The following APPL2 variants were observed in gnomAD, a reference collection of about 807,000 sequenced individuals.
APPL2 encodes the protein adaptor protein, phosphotyrosine interacting with PH domain and leucine zipper 2.
In APPL2, 84 loss-of-function variants were observed where a neutral mutation model predicts 92.7. That is an observed-to-expected ratio of 0.91 (90% confidence interval 0.76 to 1.09). The LOEUF (loss-of-function observed/expected upper bound fraction) is 1.09. Ranked by LOEUF, APPL2 falls within the 50% of genes least tolerant of loss-of-function variation. APPL2 has a pLI of 0.00. For missense variants in APPL2, 736 were observed against 824.5 expected (o/e 0.89, Z 1.31); for synonymous variants, 291 against 291.0 (o/e 1.00, Z 0.00).
intron 9 of APPL2, among the ~76,000 whole-genome samples, chr12:105,200,754 A>G (rs1309214887): frequency 6.6e-6 from 1 of 152,202 alleles, no homozygotes; most frequent in Non-Finnish European, 1.5e-5. Flanking sequence ...GTTTCTCCAC[A>G]TGAGCACCTC....
intron 2 of APPL2, among the ~76,000 whole-genome samples, chr12:105,223,945 G>C (rs780309216): frequency 6.6e-6 from 1 of 152,036 alleles, no homozygotes; most frequent in South Asian, 2.1e-4. Context: ...ATGATGGCTC[G>C]ACCTGCCCAA....
chr12:105,180,337 A>C (rs1005458782), intron 17 of APPL2, among the ~76,000 whole-genome samples: 1 of 151,912 alleles, frequency 6.6e-6, no homozygotes, highest in Non-Finnish European at 1.5e-5. Flanking sequence ...TGGTCTATAT[A>C]TCTGTTTTGG....
At chr12:105,203,975 G>C (rs1888472648) in intron 8 of APPL2, among the ~76,000 whole-genome samples, 190 bp from the exon 9 acceptor site, 2 of 152,188 alleles carry the variant, frequency 1.3e-5, no homozygotes, top group Non-Finnish European at 2.9e-5. Flanking sequence ...CACAGTTGCT[G>C]GCTTTTGGGT....
intron 17 of APPL2, among the ~76,000 whole-genome samples, chr12:105,186,506 C>T (rs903520005): frequency 2.1e-4 from 32 of 151,772 alleles, no homozygotes; most frequent in Middle Eastern, 3.4e-3. Flanking sequence ...CCCAGGAGCC[C>T]GCCAAACTAT....
chr12:105,227,270 G>T (rs1008277371), intron 2 of APPL2, among the ~76,000 whole-genome samples: 1 of 151,996 alleles, frequency 6.6e-6, no homozygotes, highest in Non-Finnish European at 1.5e-5. Flanking sequence ...CCAAGTGCTG[G>T]GATTACAGGC....
At chr12:105,222,110 A>G (rs1890146642) in intron 2 of APPL2, among the ~76,000 whole-genome samples, 1 of 152,222 alleles carries the variant, frequency 6.6e-6, no homozygotes, top group Non-Finnish European at 1.5e-5. Context: ...CCCTCGAGAC[A>G]GGATGCACAC....
chr12:105,227,134 TA>T (rs60826041), intron 2 of APPL2, among the ~76,000 whole-genome samples: 45 of 148,818 alleles, frequency 3.0e-4, no homozygotes, highest in African/African-American at 1.1e-3. Flanking sequence ...AAATTAAAAA[TA>T]AAAAAAAAAG....
intron 14 of APPL2, among the ~76,000 whole-genome samples, chr12:105,193,619 T>A (rs1444253143): frequency 6.6e-6 from 1 of 152,240 alleles, no homozygotes; most frequent in Non-Finnish European, 1.5e-5. Context: ...TATAGTGTCT[T>A]CCTTAGAGTT....
chr12:105,179,090 A>G (rs978666322), intron 17 of APPL2, among the ~76,000 whole-genome samples: 1 of 152,068 alleles, frequency 6.6e-6, no homozygotes, highest in African/African-American at 2.4e-5. Context: ...GCGCCCATCA[A>G]CCCGTTATCT....
chr12:105,232,521 T>C lies in APPL2; in HGVS notation c.55-3298A>G, dbSNP rs142446528. ...TGTCCTAGTGAAAAGAACCAAGACT[T>C]TGGGAGGCCAAGACAGGAAGATTGG... On this transcript the variant is annotated intron_variant, in intron 1 of 20. Transcript: ENST00000258530. Among the ~76,000 whole-genome samples the C allele has an allele frequency of 2.4e-4, 37 of 152,072 alleles. 1 individual carries two copies. Among genetic ancestry groups the C allele is most frequent in the Non-Finnish European group, 3.5e-4 (24 of 67,972 alleles).
At chr12:105,188,121 T>C in intron 17 of APPL2, 152 bp downstream of exon 17, 2 of 844,788 alleles carry the variant, frequency 2.4e-6, no homozygotes, top group Non-Finnish European at 3.6e-6. Context: ...AAGGGAGCAC[T>C]TTCTAGGCTA....
Position 105,210,383 on chromosome 12 carries a change from A to G in APPL2, c.373+847T>C, listed in dbSNP as rs554260619. Among the ~76,000 whole-genome samples, 161 of 152,338 alleles carry G rather than the reference A, an allele frequency of 1.1e-3. 1 individual carries two copies. The highest frequency in any genetic ancestry group is 3.5e-3 in the African/African-American group (146 of 41,588). On this transcript the variant is annotated intron_variant, in intron 5 of 20. Coordinates refer to ENST00000258530, the MANE Select transcript of APPL2 (RefSeq NM_018171.5). ...AAGTAATATACTGACCAGATCTTTT[A>G]GCATTCAGGTTTAGGCTTTTTTGGG...
intron 17 of APPL2, among the ~76,000 whole-genome samples, chr12:105,179,857 A>G (rs141926126): frequency 0.013 from 1,918 of 152,296 alleles, 23 homozygotes; most frequent in Middle Eastern, 0.027. Flanking sequence ...AGTTCTTTGT[A>G]GATTCTGGAT....
In APPL2 at chr12:105,199,354, C is replaced by G; in HGVS notation, c.863+19G>C. The G allele has an allele frequency of 6.3e-7, 1 of 1,599,198 alleles. No homozygotes were observed. Among genetic ancestry groups the G allele is most frequent in the Non-Finnish European group, 8.5e-7 (1 of 1,172,430 alleles). ...GGAAAACGGATTTCAGAAAAAGAGG[C>G]AGACGGTGGCGTTCTCACTTTCTAA... is the stretch of plus-strand genomic sequence containing the variant. On this transcript the variant is annotated intron_variant, in intron 10 of 20. Coordinates refer to ENST00000258530, the MANE Select transcript of APPL2 (RefSeq NM_018171.5).
rs1887042734 is a variant in APPL2, at chr12:105,189,826, TAGGGGAATAGCC to T, written c.1407-14_1407-3del. 2 of 1,614,052 alleles carry T rather than the reference TAGGGGAATAGCC, an allele frequency of 1.2e-6. No homozygotes were observed. The highest frequency in any genetic ancestry group is 2.2e-5 in the South Asian group (2 of 91,092). The stretch of plus-strand genomic sequence containing the variant: ...GTTTCACCAAAAGGGTTGGTACGCC[TAGGGGAATAGCC>T]AGAGTTGAACAAACACGACAGCTGC... On this transcript the variant is annotated splice_polypyrimidine_tract_variant and splice_region_variant and intron_variant, in intron 15 of 20. Transcript: ENST00000258530.
intron 17 of APPL2, among the ~76,000 whole-genome samples, chr12:105,185,611 G>A (rs1886533013): frequency 6.6e-6 from 1 of 151,940 alleles, no homozygotes; most frequent in Non-Finnish European, 1.5e-5. Flanking sequence ...GATAAGCTGG[G>A]TACCGCAGTT....
At chr12:105,186,685 T>TATC (rs1555248113) in intron 17 of APPL2, among the ~76,000 whole-genome samples, 10 of 63,394 alleles carry the variant, frequency 1.6e-4, no homozygotes, top group Non-Finnish European at 2.7e-4. Flanking sequence ...ATATATCATA[T>TATC]ATATATCATA....
chr12:105,228,020 T>C (rs530412163), intron 2 of APPL2, among the ~76,000 whole-genome samples: 256 of 152,254 alleles, frequency 1.7e-3, no homozygotes, highest in South Asian at 5.0e-3. Flanking sequence ...GGTGATTGCT[T>C]TGTCTGCCTC....
chr12:105,220,257 G>C (rs560704561), intron 2 of APPL2, among the ~76,000 whole-genome samples: 13 of 152,348 alleles, frequency 8.5e-5, no homozygotes, highest in Admixed American at 8.5e-4. Context: ...TTTTCTGTAA[G>C]GAGCCAGAGA....
Sources: gnomAD v4.1 joint callset for allele counts (sites outside exome capture counted in the v4.1 genomes callset) on GRCh38, gnomAD v4.1.1 for gene constraint, MANE v1.5 for transcripts, NCBI Gene and HGNC (gene_info 2026-07-23, HGNC 2026-07-21) for gene names.